Variants in CD36 observed in about 807,000 individuals in gnomAD.
CD36 encodes platelet glycoprotein 4.
Under a neutral mutation model 55.2 loss-of-function variants are expected in CD36, and 119 were observed. That is an observed-to-expected ratio of 2.15 (90% confidence interval 1.86 to 2.51). CD36 has a LOEUF of 2.51. Ranked by LOEUF, CD36 falls within the 30% of genes most tolerant of loss-of-function variation. CD36 has a pLI of 0.00. For missense variants in CD36, 819 were observed against 555.5 expected, an observed-to-expected ratio of 1.47 and a Z score of -4.77; for synonymous variants, 186 against 193.6, an observed-to-expected ratio of 0.96 and a Z score of 0.33.
intron 1 of CD36, among the ~76,000 whole-genome samples, chr7:80,628,220 T>A (rs1044767232): frequency 1.3e-5 from 2 of 151,814 alleles, no homozygotes; most frequent in Non-Finnish European, 2.9e-5. Context: ...ATAAAAAAAA[T>A]TTGAGCACCT....
At chr7:80,657,675 A>G (rs1308595181) in intron 4 of CD36, among the ~76,000 whole-genome samples, 1 of 152,166 alleles carries the variant, frequency 6.6e-6, no homozygotes, top group Non-Finnish European at 1.5e-5. Context: ...TAAAAAGGGA[A>G]AAAAGGGGGA....
rs749806596 is a variant in CD36 at position 80,671,908 on chromosome 7, A to G, written c.1007-14A>G. The stretch of plus-strand genomic sequence containing the variant: ...AGTTATTAATTCCAATTGACTCTTA[A>G]AACTTGTCTTCAGGGAGACCTGTGT... On this transcript the variant is annotated splice_polypyrimidine_tract_variant and intron_variant, in intron 10 of 14. Coordinates refer to ENST00000447544, the MANE Select transcript of CD36 (RefSeq NM_001001548.3). 1.2e-6 allele frequency: 2 copies of G among 1,609,706 alleles called. No homozygotes were observed. Among genetic ancestry groups the G allele is most frequent in the Admixed American group, 3.3e-5 (2 of 59,922 alleles).
intron 8 of CD36, among the ~76,000 whole-genome samples, chr7:80,667,747 G>GTT (rs1165767460): frequency 0.013 from 1,083 of 82,574 alleles, 35 homozygotes; most frequent in South Asian, 0.052. Context: ...GTTTTCTTTT[G>GTT]TTTTTTTTTT....
intron 14 of CD36, 143 bp downstream of exon 14, chr7:80,674,290 TAAAC>T (rs1361167912): frequency 1.1e-5 from 7 of 626,712 alleles, no homozygotes; most frequent in Non-Finnish European, 8.4e-6. Flanking sequence ...TATAGGTAAA[TAAAC>T]CTATAAATAT....
In CD36 at chr7:80,676,634, C is replaced by T. The variant is rs987162101; in HGVS notation, c.*251C>T. ...ACATTTATAAATAATTGGCTTATGACTCATATTTCTCTATGAATACCTTCA... is the reference window on the plus strand; with the variant it reads ...ACATTTATAAATAATTGGCTTATGATTCATATTTCTCTATGAATACCTTCA... On this transcript the variant is annotated 3_prime_UTR_variant, in exon 15 of 15. Coordinates refer to ENST00000447544, the MANE Select transcript of CD36 (RefSeq NM_001001548.3). 1.3e-5 allele frequency: 2 copies of T among 152,162 alleles called. No homozygotes were observed. Among genetic ancestry groups the T allele is most frequent in the Non-Finnish European group, 2.9e-5 (2 of 68,038 alleles). 9.4% of individuals were successfully genotyped at this position (152,162 alleles called of 1,614,324 possible).
intron 3 of CD36, among the ~76,000 whole-genome samples, chr7:80,649,819 G>C (rs897332249): frequency 5.9e-5 from 9 of 151,750 alleles, no homozygotes; most frequent in Non-Finnish European, 1.2e-4. Flanking sequence ...GAGGCAGGAA[G>C]ACAAAAGTAG....
At chr7:80,624,158 G>C (rs1420566799) in intron 1 of CD36, 3 of 152,200 alleles carry the variant, frequency 2.0e-5, no homozygotes, top group Non-Finnish European at 4.4e-5. Flanking sequence ...ATTAACATTT[G>C]TGGCCTTGTG....
intron 5 of CD36, among the ~76,000 whole-genome samples, chr7:80,662,740 T>G (rs568043031): frequency 2.6e-5 from 4 of 152,248 alleles, no homozygotes; most frequent in Admixed American, 2.0e-4. Context: ...AGAAGACCAC[T>G]TTAAGTGTAT....
intron 3 of CD36, among the ~76,000 whole-genome samples, chr7:80,649,959 AT>A (rs1351925757): frequency 2.0e-5 from 3 of 152,104 alleles, no homozygotes; most frequent in Admixed American, 6.6e-5. Flanking sequence ...GAAAATAATG[AT>A]TAGAACATGG....
rs1268268854 is a variant in CD36, at chr7:80,677,464, A to G, written c.*1081A>G. 2.0e-5 allele frequency: 3 copies of G among 152,188 alleles called. No homozygotes were observed. Among genetic ancestry groups the G allele is most frequent in the African/African-American group, 7.2e-5 (3 of 41,448 alleles). The allele number at this position is 152,188 out of a possible 1,614,324, so 9.4% of individuals were successfully genotyped here. A position where few individuals can be genotyped will look rare whatever the true frequency, so the allele number is the denominator to read the frequency against. On this transcript the variant is annotated 3_prime_UTR_variant, in exon 15 of 15. Transcript: ENST00000447544. ...AATAACTTTTAGCCTCCTCCTTATG[A>G]TAGCCGCCAGAGTAAATGTTGAGCA...
Position 80,678,717 on chromosome 7 carries a change from G to T in CD36, c.*2334G>T, listed in dbSNP as rs1040861889. 2.6e-5 allele frequency: 4 copies of T among 152,112 alleles called. No individual in the cohort carries two copies. The highest frequency in any genetic ancestry group is 2.9e-5 in the Non-Finnish European group (2 of 68,060). The allele number at this position is 152,112 out of a possible 1,614,324, so 9.4% of individuals were successfully genotyped here. A position where few individuals can be genotyped will look rare whatever the true frequency, so the allele number is the denominator to read the frequency against. On this transcript the variant is annotated 3_prime_UTR_variant, in exon 15 of 15. Transcript: ENST00000447544. ...AAAATACAAAAATGAGCGGGGTGTG[G>T]TGGCCCATGCCTGTAGTCCCAGCTG...
rs554284603 is a variant in CD36 at position 80,628,524 on chromosome 7, T to C, written c.-183-17564T>C. On this transcript the variant is annotated intron_variant, in intron 1 of 13. Coordinates refer to the CD36 transcript ENST00000309881. ...AACCATATTGCAGAAACACTTTTTTTCTCCTCCTTTAAGAGACCTGGTTAA... is the reference window on the plus strand; with the variant it reads ...AACCATATTGCAGAAACACTTTTTTCCTCCTCCTTTAAGAGACCTGGTTAA... Among the ~76,000 whole-genome samples, 4 of 152,200 alleles carry C rather than the reference T, an allele frequency of 2.6e-5. No homozygotes were observed. In the East Asian group the frequency reaches 7.7e-4, roughly 29 times the overall value.
intron 1 of CD36, among the ~76,000 whole-genome samples, chr7:80,623,005 CTTT>C (rs11301209): frequency 1.8e-4 from 26 of 145,458 alleles, no homozygotes; most frequent in East Asian, 2.0e-4. Context: ...CCTTGGTAGA[CTTT>C]TTTTTTTTTT....
intron 1 of CD36, among the ~76,000 whole-genome samples, chr7:80,628,972 G>A (rs1388438028): frequency 6.6e-6 from 1 of 152,066 alleles, no homozygotes; most frequent in African/African-American, 2.4e-5. Flanking sequence ...TTATCTCAGC[G>A]AGCAGAGGAA....
At chr7:80,635,845 C>G (rs1327260322), upstream of CD36, among the ~76,000 whole-genome samples, 1 of 152,248 alleles carries the variant, frequency 6.6e-6, no homozygotes, top group South Asian at 2.1e-4. Context: ...CTCATTTCCA[C>G]TCATTCTCAC....
In CD36 at chr7:80,655,712, G is replaced by A. The variant is rs542725140; in HGVS notation, c.121-828G>A. ...CACACCTGTAATTCCAGCCTTTTGG[G>A]AGTCCAGGTCAGGTGGATTGCTTCA... On this transcript the variant is annotated intron_variant, in intron 3 of 14. Coordinates refer to ENST00000447544, the MANE Select transcript of CD36 (RefSeq NM_001001548.3). 3.3e-5 allele frequency among the ~76,000 whole-genome samples: 5 copies of A among 152,234 alleles called. 1 individual carries two copies. In the South Asian group the frequency reaches 8.3e-4, roughly 25 times the overall value.
intron 8 of CD36, 127 bp from the exon 9 acceptor site, chr7:80,669,826 G>C: frequency 1.3e-6 from 1 of 757,752 alleles, no homozygotes; most frequent in Non-Finnish European, 2.4e-6. Flanking sequence ...TTAAAAATGT[G>C]GCTGCTAGAT....
At chr7:80,614,645 C>T (rs1445643242) in intron 1 of CD36, among the ~76,000 whole-genome samples, 1 of 152,116 alleles carries the variant, frequency 6.6e-6, no homozygotes, top group Non-Finnish European at 1.5e-5. Context: ...CACCATGACA[C>T]TGAAGTACTT....
At chr7:80,636,915 T>A (rs1794455273), upstream of CD36, 1 of 152,056 alleles carries the variant, frequency 6.6e-6, no homozygotes. Context: ...AATTTGATTC[T>A]TTGGACTGCT....
Sources: allele counts gnomAD v4.1 joint callset (sites outside exome capture counted in the v4.1 genomes callset), GRCh38; gene constraint gnomAD v4.1.1; transcripts MANE v1.5; gene names NCBI Gene and HGNC (gene_info 2026-07-23, HGNC 2026-07-21).